CNR2: variants seen among roughly 807,000 people sequenced by gnomAD.
CNR2 encodes the protein cannabinoid receptor 2.
For synonymous variants in CNR2, 172 were observed against 182.2 expected, an observed-to-expected ratio of 0.94 and a Z score of 0.45; for missense variants, 379 against 439.9, an observed-to-expected ratio of 0.86 and a Z score of 1.24.
At chr1:23,890,774 T>TCG (rs1640176753) in intron 1 of CNR2, among the ~76,000 whole-genome samples, 1 of 149,628 alleles carries the variant, frequency 6.7e-6, no homozygotes, top group African/African-American at 2.5e-5. Flanking sequence ...TAGATCAAAG[T>TCG]GACCCTCTTG....
intron 1 of CNR2, among the ~76,000 whole-genome samples, chr1:23,891,076 C>T (rs1457304621): frequency 3.3e-5 from 5 of 151,640 alleles, no homozygotes; most frequent in African/African-American, 7.3e-5. Context: ...CACATGGTTT[C>T]ACCATGTTGG....
chr1:23,894,421 CAAAA>C (rs113493988), intron 1 of CNR2, among the ~76,000 whole-genome samples: 117,884 of 147,776 alleles, frequency 0.8, 47,123 homozygotes, highest in Admixed American at 0.83. Flanking sequence ...AACTCTGTCT[CAAAA>C]AAAAAAAATT....
At chr1:23,888,355 G>A (rs1028850131) in intron 1 of CNR2, among the ~76,000 whole-genome samples, 1 of 152,114 alleles carries the variant, frequency 6.6e-6, no homozygotes, top group Admixed American at 6.6e-5. Context: ...TTTCTCATTT[G>A]TAAAATGACA....
chr1:23,903,095 G>GGCA (rs922311981), intron 1 of CNR2, among the ~76,000 whole-genome samples: 3 of 151,764 alleles, frequency 2.0e-5, no homozygotes, highest in African/African-American at 7.3e-5. Flanking sequence ...CGGCGGCGGC[G>GGCA]GCGCTGCGAC....
At chr1:23,885,760 C>T (rs1570708045) in intron 1 of CNR2, among the ~76,000 whole-genome samples, 2 of 152,106 alleles carry the variant, frequency 1.3e-5, no homozygotes, top group African/African-American at 4.8e-5. Flanking sequence ...CGCCTGTAAT[C>T]CCAGCTACTC....
intron 1 of CNR2, among the ~76,000 whole-genome samples, chr1:23,894,022 G>A (rs1283921988): frequency 6.6e-6 from 1 of 151,944 alleles, no homozygotes; most frequent in Admixed American, 6.6e-5. Context: ...TCAGGAAGCT[G>A]AGGTGGTGGA....
intron 1 of CNR2, among the ~76,000 whole-genome samples, chr1:23,894,814 G>A (rs1356752741): frequency 6.6e-6 from 1 of 151,782 alleles, no homozygotes; most frequent in Non-Finnish European, 1.5e-5. Flanking sequence ...TGGGGACATT[G>A]GGAATCCACT....
chr1:23,910,099 C>T (rs1205005609), intron 1 of CNR2, among the ~76,000 whole-genome samples: 1 of 151,228 alleles, frequency 6.6e-6, no homozygotes, highest in Non-Finnish European at 1.5e-5. Flanking sequence ...CAGGCATGTG[C>T]CACCATGCCT....
intron 1 of CNR2, among the ~76,000 whole-genome samples, chr1:23,893,325 A>G (rs540582901): frequency 1.3e-5 from 2 of 152,294 alleles, no homozygotes; most frequent in Non-Finnish European, 1.5e-5. Context: ...CACTTTAGTC[A>G]AGGTTAAGTG....
At chr1:23,902,516 T>C (rs1322296153) in intron 1 of CNR2, 17 of 1,608,556 alleles carry the variant, frequency 1.1e-5, no homozygotes, top group Non-Finnish European at 1.4e-5. Flanking sequence ...CGTACTTTAA[T>C]AGGATCAGAA....
In CNR2 at chr1:23,874,990, C is replaced by T. The variant is rs756844127; in HGVS notation, c.628G>A (p.Gly210Arg). 2 of 1,610,306 alleles carry T rather than the reference C, an allele frequency of 1.2e-6. No homozygotes were observed. Among genetic ancestry groups the T allele is most frequent in the South Asian group, 1.1e-5 (1 of 90,448 alleles). The change falls in exon 2 of 2, where the codon GGG becomes AGG. Residue 210 changes from glycine to arginine, a missense_variant. Transcript: ENST00000374472. ...TGATGGGCCTTCCAGAGAACATGCCCATAGGTGTAGATGATTCCGGAAAAG... is the reference window on the plus strand; with the variant it reads ...TGATGGGCCTTCCAGAGAACATGCCTATAGGTGTAGATGATTCCGGAAAAG... The part of the protein sequence containing the change: ...FLFSGIIYTY[G>R]HVLWKAHQHV...
chr1:23,905,799 C>A (rs2501409), intron 1 of CNR2, among the ~76,000 whole-genome samples: 134,929 of 152,124 alleles, frequency 0.89, 61,987 homozygotes, highest in East Asian at 1. Context: ...CTACCTCTCT[C>A]TAATAGAATT....
At chr1:23,905,134 T>C (rs1236909725) in intron 1 of CNR2, among the ~76,000 whole-genome samples, 1 of 152,114 alleles carries the variant, frequency 6.6e-6, no homozygotes, top group East Asian at 1.9e-4. Flanking sequence ...TTGCACCTAC[T>C]GTATACCGTG....
intron 1 of CNR2, among the ~76,000 whole-genome samples, chr1:23,887,287 G>A (rs1237031824): frequency 1.3e-5 from 2 of 152,138 alleles, no homozygotes; most frequent in Non-Finnish European, 2.9e-5. Flanking sequence ...AGGGGGCTAA[G>A]AGGATCCCTG....
chr1:23,883,876 G>A (rs1405928401), intron 1 of CNR2, among the ~76,000 whole-genome samples: 1 of 124,072 alleles, frequency 8.1e-6, no homozygotes, highest in African/African-American at 3.0e-5. Flanking sequence ...CCCCCACAGT[G>A]TTGGGCCAAT....
At chr1:23,902,792 G>T in intron 1 of CNR2, 1 of 1,405,658 alleles carries the variant, frequency 7.1e-7, no homozygotes. Flanking sequence ...GGGCTGCGCG[G>T]GCGCGGGCGC....
chr1:23,874,231 C>A lies in CNR2; in HGVS notation c.*304G>T. On this transcript the variant is annotated 3_prime_UTR_variant, in exon 2 of 2. Coordinates refer to ENST00000374472, the MANE Select transcript of CNR2 (RefSeq NM_001841.3). ...CTGGGCCTGGAGGCTCGCTTTGGCTCCTGTGGTCTCTGGAGGATGCAGGCA... is the reference window on the plus strand; with the variant it reads ...CTGGGCCTGGAGGCTCGCTTTGGCTACTGTGGTCTCTGGAGGATGCAGGCA... 3.8e-6 allele frequency: 1 copy of A among 264,520 alleles called. No homozygotes were observed. Among genetic ancestry groups the A allele is most frequent in the South Asian group, 8.7e-5 (1 of 11,450 alleles). The allele number at this position is 264,520 out of a possible 1,614,324, so 16.4% of individuals were successfully genotyped here. A position where few individuals can be genotyped will look rare whatever the true frequency, so the allele number is the denominator to read the frequency against.
intron 1 of CNR2, among the ~76,000 whole-genome samples, chr1:23,890,156 G>A (rs1436968632): frequency 2.0e-5 from 3 of 150,376 alleles, no homozygotes; most frequent in East Asian, 3.9e-4. Context: ...CTACTGGGGA[G>A]ACTGAGGCAG....
At chr1:23,907,408 C>CAA (rs58616828) in intron 1 of CNR2, among the ~76,000 whole-genome samples, 80 of 98,272 alleles carry the variant, frequency 8.1e-4, no homozygotes, top group African/African-American at 2.5e-3. Flanking sequence ...GACCTTGTCT[C>CAA]AAAAAAAAAA....
Sources: gnomAD v4.1 joint callset for allele counts (sites outside exome capture counted in the v4.1 genomes callset) on GRCh38, gnomAD v4.1.1 for gene constraint, MANE v1.5 for transcripts, NCBI Gene and HGNC (gene_info 2026-07-23, HGNC 2026-07-21) for gene names.